Variants in JMY observed in about 807,000 individuals in gnomAD.
JMY encodes junction-mediating and -regulatory protein.
Under a neutral mutation model 103.3 loss-of-function variants are expected in JMY, and 46 were observed. The observed-to-expected ratio is 0.45, with a 90% CI of 0.35 to 0.57. JMY has a LOEUF of 0.57. Ranked by LOEUF, JMY falls within the 20% of genes least tolerant of loss-of-function variation. The pLI, the probability that JMY is intolerant of heterozygous loss-of-function variation, is 0.00. For synonymous variants in JMY, 526 were observed against 489.3 expected, an observed-to-expected ratio of 1.07 and a Z score of -0.99; for missense variants, 1,238 against 1,255.2, an observed-to-expected ratio of 0.99 and a Z score of 0.21.
intron 7 of JMY, among the ~76,000 whole-genome samples, chr5:79,310,411 A>C (rs1476354635): frequency 6.6e-6 from 1 of 152,160 alleles, no homozygotes; most frequent in Non-Finnish European, 1.5e-5. Context: ...TCTGCCTTAG[A>C]ATTTTGCCTA....
chr5:79,270,614 GTTTATATAAAATATATTTACATAAATA>G (rs70975743), intron 1 of JMY, among the ~76,000 whole-genome samples: 1,648 of 51,366 alleles, frequency 0.032, 99 homozygotes, highest in African/African-American at 0.085. Context: ...TTACATAAAT[GTTTATATAAAATATATTTACATAAATA>G]TTTATATAAA....
chr5:79,277,828 G>C (rs1745985286), intron 1 of JMY, 82 bp from the exon 2 acceptor site: 3 of 1,288,972 alleles, frequency 2.3e-6, no homozygotes, highest in Admixed American at 2.2e-5. Context: ...CGAGGTCCTG[G>C]CATGATAGGG....
At chr5:79,251,639 T>A (rs1012994712) in intron 1 of JMY, among the ~76,000 whole-genome samples, 3 of 151,844 alleles carry the variant, frequency 2.0e-5, no homozygotes, top group South Asian at 2.1e-4. Flanking sequence ...TTTTTTTTTT[T>A]ACCCATTAGC....
At chr5:79,318,761 T>TAGAGAG (rs3081332) in intron 10 of JMY, among the ~76,000 whole-genome samples, 15 of 53,596 alleles carry the variant, frequency 2.8e-4, no homozygotes, top group Admixed American at 6.2e-4. Flanking sequence ...TATATATATA[T>TAGAGAG]AGAGAGAGAG....
rs6873447 is a variant in JMY, at chr5:79,238,651, T to C, written c.1032+969T>C. Among the ~76,000 whole-genome samples, 913 of 148,016 alleles carry C rather than the reference T, an allele frequency of 6.2e-3. 11 individuals are homozygous for C. The highest frequency in any genetic ancestry group is 0.021 in the African/African-American group (851 of 40,796). ...GCACCCCCGCCCTCCGCGCCTTCTT[T>C]TTTTTTTTTTTTTTTGGAAGCAGTT... On this transcript the variant is annotated intron_variant, in intron 1 of 10. Transcript: ENST00000396137.
chr5:79,297,527 C>T (rs150791868), intron 4 of JMY, among the ~76,000 whole-genome samples: 169 of 152,272 alleles, frequency 1.1e-3, no homozygotes, highest in African/African-American at 3.9e-3. Context: ...CGCTCCATAC[C>T]TCTTCATGCC....
chr5:79,301,717 C>T (rs1486028216), intron 6 of JMY, among the ~76,000 whole-genome samples: 4 of 152,154 alleles, frequency 2.6e-5, no homozygotes, highest in African/African-American at 4.8e-5. Context: ...TTCCCCGTGA[C>T]AGTGGTAATT....
At chr5:79,318,258 AC>A in intron 10 of JMY, among the ~76,000 whole-genome samples, 1 of 150,560 alleles carries the variant, frequency 6.6e-6, no homozygotes, top group East Asian at 2.0e-4. Flanking sequence ...CAAATGATCT[AC>A]CCACCTCAGC....
intron 2 of JMY, among the ~76,000 whole-genome samples, chr5:79,282,318 G>A (rs1746143011): frequency 6.6e-6 from 1 of 152,192 alleles, no homozygotes; most frequent in South Asian, 2.1e-4. Flanking sequence ...CAGGGAGCAA[G>A]CACCACAGAC....
At chr5:79,242,382 C>G (rs1343946640) in intron 1 of JMY, among the ~76,000 whole-genome samples, 1 of 152,176 alleles carries the variant, frequency 6.6e-6, no homozygotes, top group Non-Finnish European at 1.5e-5. Flanking sequence ...GTGCCTGGCA[C>G]TTACTAAAGA....
intron 1 of JMY, among the ~76,000 whole-genome samples, chr5:79,254,887 A>G (rs914758701): frequency 6.7e-6 from 1 of 149,314 alleles, no homozygotes; most frequent in Non-Finnish European, 1.5e-5. Flanking sequence ...CAAGCTCACT[A>G]TTTCTTTCTT....
At chr5:79,258,306 T>C (rs1464182411) in intron 1 of JMY, among the ~76,000 whole-genome samples, 2 of 122,980 alleles carry the variant, frequency 1.6e-5, no homozygotes, top group Non-Finnish European at 3.5e-5. Context: ...GCTTTTTTTG[T>C]TTTTGTTGTT....
intron 4 of JMY, among the ~76,000 whole-genome samples, chr5:79,293,519 A>G (rs1349948212): frequency 6.6e-6 from 1 of 151,962 alleles, no homozygotes; most frequent in Admixed American, 6.6e-5. Context: ...ATGGACTCCC[A>G]AAGTTCTGAG....
At position 79,306,309 on chromosome 5, in the gene JMY, C is replaced by T. The variant is rs1237602543; in HGVS notation, c.1882-66C>T. Reference sequence around the variant, plus strand: ...GGTATATATTAAGATCAAAATTTAACCTTGGTGTGGTGTTCAGAGTCTTTC... The same window carrying T: ...GGTATATATTAAGATCAAAATTTAATCTTGGTGTGGTGTTCAGAGTCTTTC... On this transcript the variant is annotated intron_variant, in intron 6 of 10. Transcript: ENST00000396137. The T allele has an allele frequency of 5.4e-6, 6 of 1,103,136 alleles. No individual in the cohort carries two copies. The Admixed American group carries it at 1.1e-4, about 20-fold the overall frequency. The allele number at this position is 1,103,136 out of a possible 1,614,324, so 68.3% of individuals were successfully genotyped here.
chr5:79,269,854 A>G (rs921870959), intron 1 of JMY, among the ~76,000 whole-genome samples: 7 of 152,060 alleles, frequency 4.6e-5, no homozygotes, highest in African/African-American at 1.4e-4. Context: ...CAGCCTCTGC[A>G]GTAGCTAGGA....
At chr5:79,237,736 C>G in intron 1 of JMY, 54 bp downstream of exon 1, 1 of 1,496,348 alleles carries the variant, frequency 6.7e-7, no homozygotes, top group Non-Finnish European at 9.1e-7. Flanking sequence ...GGTTTACTGG[C>G]CAAACCAAAG....
At position 79,323,797 on chromosome 5, in the gene JMY, G is replaced by A. The variant is rs1747539524; in HGVS notation, c.*2195G>A. The A allele has an allele frequency of 6.6e-6, 1 of 152,154 alleles. No individual in the cohort carries two copies. Among genetic ancestry groups the A allele is most frequent in the African/African-American group, 2.4e-5 (1 of 41,430 alleles). The allele number at this position is 152,154 out of a possible 1,614,324, so 9.4% of individuals were successfully genotyped here. A position where few individuals can be genotyped will look rare whatever the true frequency, so the allele number is the denominator to read the frequency against. ...TATGTCCTGTGGTCTGTCTTCCAGA[G>A]TGTGCTGTAATCATAAGTCTCTAGC... On this transcript the variant is annotated 3_prime_UTR_variant, in exon 11 of 11. Coordinates refer to ENST00000396137, the MANE Select transcript of JMY (RefSeq NM_152405.5).
chr5:79,256,178 A>G (rs779976320), intron 1 of JMY, among the ~76,000 whole-genome samples: 18 of 152,154 alleles, frequency 1.2e-4, no homozygotes, highest in Non-Finnish European at 2.2e-4. Flanking sequence ...TCCCCTTCCC[A>G]GTGGCAGAGG....
intron 8 of JMY, among the ~76,000 whole-genome samples, chr5:79,313,848 A>C (rs1005884838): frequency 6.6e-6 from 1 of 152,182 alleles, no homozygotes; most frequent in Non-Finnish European, 1.5e-5. Context: ...TTAAGGGTGA[A>C]ATAACCAATA....
Sources: allele counts gnomAD v4.1 joint callset (sites outside exome capture counted in the v4.1 genomes callset), GRCh38; gene constraint gnomAD v4.1.1; transcripts MANE v1.5; gene names NCBI Gene and HGNC (gene_info 2026-07-23, HGNC 2026-07-21).